Variants in TTLL10 observed in about 807,000 individuals in gnomAD.
TTLL10 encodes the protein inactive polyglycylase TTLL10.
In TTLL10, 61 loss-of-function variants were observed where a neutral mutation model predicts 69.0. That is an observed-to-expected ratio of 0.88 (90% CI 0.72 to 1.09). The LOEUF is 1.09. Among genes scored for constraint, TTLL10 ranks in the 50% least tolerant of loss-of-function variants. TTLL10 has a pLI of 0.00. For missense variants in TTLL10, 962 were observed against 945.9 expected (o/e 1.02, Z -0.22); for synonymous variants, 408 against 393.3 (o/e 1.04, Z -0.44).
chr1:1,176,834 AC>A (rs1646884267), intron 3 of TTLL10, among the ~76,000 whole-genome samples: 1 of 152,090 alleles, frequency 6.6e-6, no homozygotes, highest in Non-Finnish European at 1.5e-5. Context: ...TTAAATCCCA[AC>A]CCCGGTGTTG....
Position 1,182,933 on chromosome 1 carries a change from T to C in TTLL10, c.974T>C (p.Leu325Pro). The change falls in exon 11 of 16, where the codon CTG becomes CCG. Residue 325 changes from leucine (L) to proline (P), a missense_variant. Physicochemically the swap from Leu to Pro is moderately conservative, Grantham distance 98. Transcript: ENST00000379289. The stretch of plus-strand genomic sequence containing the variant: ...TCCAACCAGGGCAAAGGCATCTTCC[T>C]GCTCCGGAACCAGGAGGAAGTTGCC... ...TASNQGKGIF[L>P]LRNQEEVAAL... 2 of 1,599,074 alleles carry C rather than the reference T, an allele frequency of 1.3e-6. No homozygotes were observed. The highest frequency in any genetic ancestry group is 2.3e-5 in the East Asian group (1 of 44,090).
chr1:1,179,938 T>C (rs1028356238), intron 5 of TTLL10, 96 bp from the exon 6 acceptor site: 1 of 1,441,992 alleles, frequency 6.9e-7, no homozygotes, highest in African/African-American at 1.4e-5. Context: ...GTCCAGGGTA[T>C]TGGAGAAATG....
At chr1:1,190,466 C>T (rs1192305489) in intron 13 of TTLL10, among the ~76,000 whole-genome samples, 4 of 147,600 alleles carry the variant, frequency 2.7e-5, no homozygotes, top group Admixed American at 1.4e-4. Flanking sequence ...CTTGCTCTGT[C>T]GCCCAAGCTG....
rs796531749 is a variant in TTLL10, at chr1:1,187,121, T to C, written c.1401+2012T>C. On this transcript the variant is annotated intron_variant, in intron 13 of 15. Coordinates refer to ENST00000379289, the MANE Select transcript of TTLL10 (RefSeq NM_001130045.2). Reference sequence around the variant, plus strand: ...TCGGCCTCCCAAAGTGCTGGGATTATAGGTGTGAGCCACCGCGCCCGGCCA... The same window carrying C: ...TCGGCCTCCCAAAGTGCTGGGATTACAGGTGTGAGCCACCGCGCCCGGCCA... Among the ~76,000 whole-genome samples the C allele has an allele frequency of 8.0e-4, 121 of 151,970 alleles. 1 individual carries two copies. Among genetic ancestry groups the C allele is most frequent in the African/African-American group, 2.8e-3 (117 of 41,486 alleles).
chr1:1,186,818 C>T (rs1217809071), intron 13 of TTLL10, among the ~76,000 whole-genome samples: 1 of 151,564 alleles, frequency 6.6e-6, no homozygotes, highest in Non-Finnish European at 1.5e-5. Flanking sequence ...TCTTTACCAT[C>T]CAGTTGTGAA....
chr1:1,177,028 CTGTG>C (rs1022835250), intron 3 of TTLL10, among the ~76,000 whole-genome samples: 5 of 151,590 alleles, frequency 3.3e-5, no homozygotes, highest in Non-Finnish European at 5.9e-5. Flanking sequence ...GTCTGCGTGT[CTGTG>C]TGTGTCAGCG....
At chr1:1,191,879 C>T (rs995080022) in intron 13 of TTLL10, among the ~76,000 whole-genome samples, 1 of 152,268 alleles carries the variant, frequency 6.6e-6, no homozygotes, top group Non-Finnish European at 1.5e-5. Context: ...AGGAACACGC[C>T]CTTAAGACAC....
chr1:1,176,921 T>G (rs1646886516), intron 3 of TTLL10, among the ~76,000 whole-genome samples: 1 of 152,234 alleles, frequency 6.6e-6, no homozygotes, highest in South Asian at 2.1e-4. Flanking sequence ...TGAGGGGTCC[T>G]GTCTCCATCA....
At chr1:1,197,296 G>C in intron 15 of TTLL10, 110 bp downstream of exon 15, 1 of 1,309,046 alleles carries the variant, frequency 7.6e-7, no homozygotes, top group African/African-American at 1.6e-5. Context: ...TCCACCTCCC[G>C]AGGGCCTGTG....
intron 6 of TTLL10, 51 bp from the exon 7 acceptor site, chr1:1,180,432 C>A: frequency 1.3e-6 from 2 of 1,530,676 alleles, no homozygotes; most frequent in Non-Finnish European, 1.8e-6. Flanking sequence ...GCCCGCCATC[C>A]CCAACCCCTT....
At chr1:1,179,003 C>T (rs1282379425) in intron 3 of TTLL10, among the ~76,000 whole-genome samples, 186 bp from the exon 4 acceptor site, 1 of 152,236 alleles carries the variant, frequency 6.6e-6, no homozygotes, top group African/African-American at 2.4e-5. Context: ...CTCGCCCCCA[C>T]ACGGCGCCAG....
Position 1,197,507 on chromosome 1 carries a change from G to T in TTLL10, c.1682G>T (p.Arg561Leu). The change falls in exon 16 of 16, where the codon CGC becomes CTC. Residue 561 changes from arginine (R) to leucine (L), a missense_variant. Transcript: ENST00000379289. ...QKMLPLLSQR[R>L]FVLLHNGEAD... Reference sequence around the variant, plus strand: ...ATGTTGCCTCTGCTGTCCCAGCGCCGCTTCGTGCTCCTGCACAACGGTGAG... The same window carrying T: ...ATGTTGCCTCTGCTGTCCCAGCGCCTCTTCGTGCTCCTGCACAACGGTGAG... The T allele has an allele frequency of 1.3e-6, 2 of 1,542,006 alleles. No individual in the cohort carries two copies. The highest frequency in any genetic ancestry group is 1.2e-5 in the South Asian group (1 of 83,654).
rs988238959 is a variant in TTLL10 at position 1,182,573 on chromosome 1, T to C, written c.916+127T>C. 295 of 1,037,334 alleles carry C rather than the reference T, an allele frequency of 2.8e-4. 1 individual carries two copies. The highest frequency in any genetic ancestry group is 4.0e-4 in the Non-Finnish European group (271 of 683,374). 64.3% of individuals were successfully genotyped at this position (1,037,334 alleles called of 1,614,324 possible). On this transcript the variant is annotated intron_variant, in intron 10 of 15. Coordinates refer to ENST00000379289, the MANE Select transcript of TTLL10 (RefSeq NM_001130045.2). ...TGCGTGGGGCTGGGACGAGACGAGGTGGTCAGGAAGGGGCCAGGGCTGGGC... is the reference window on the plus strand; with the variant it reads ...TGCGTGGGGCTGGGACGAGACGAGGCGGTCAGGAAGGGGCCAGGGCTGGGC...
At chr1:1,187,513 C>T (rs1647431013) in intron 13 of TTLL10, among the ~76,000 whole-genome samples, 1 of 151,808 alleles carries the variant, frequency 6.6e-6, no homozygotes, top group African/African-American at 2.4e-5. Flanking sequence ...GCTTGTAGTC[C>T]CAGCTACTTG....
Position 1,179,169 on chromosome 1 carries a change from G to C in TTLL10, c.-27-20G>C. The C allele has an allele frequency of 6.8e-7, 1 of 1,468,864 alleles. No individual in the cohort carries two copies. The highest frequency in any genetic ancestry group is 1.4e-5 in the African/African-American group (1 of 71,158). 91.0% of individuals were successfully genotyped at this position (1,468,864 alleles called of 1,614,324 possible). On this transcript the variant is annotated intron_variant, in intron 3 of 15. Coordinates refer to ENST00000379289, the MANE Select transcript of TTLL10 (RefSeq NM_001130045.2). ...GCGCGGAGGTCCCACAGGAGGGTCAGAGCGGCATCTTCCCTTCAGGGCCCT... is the reference window on the plus strand; with the variant it reads ...GCGCGGAGGTCCCACAGGAGGGTCACAGCGGCATCTTCCCTTCAGGGCCCT...
intron 3 of TTLL10, among the ~76,000 whole-genome samples, chr1:1,177,048 G>A (rs1002529185): frequency 6.8e-6 from 1 of 146,708 alleles, no homozygotes; most frequent in Non-Finnish European, 1.5e-5. Context: ...CAGCGTCTGT[G>A]TGTGTGGGTG....
intron 13 of TTLL10, among the ~76,000 whole-genome samples, chr1:1,189,679 G>T (rs1282337785): frequency 6.6e-6 from 1 of 152,104 alleles, no homozygotes; most frequent in Non-Finnish European, 1.5e-5. Context: ...TTCTTTGTTT[G>T]AAATAATTCA....
intron 3 of TTLL10, 101 bp from the exon 4 acceptor site, chr1:1,179,088 T>C: frequency 1.3e-6 from 1 of 788,610 alleles, no homozygotes; most frequent in Non-Finnish European, 2.0e-6. Context: ...AGGCGCCCTT[T>C]CCTGGGCAGG....
chr1:1,182,569 G>A (rs1256586903), intron 10 of TTLL10, 123 bp downstream of exon 10: 38 of 1,066,562 alleles, frequency 3.6e-5, no homozygotes, highest in South Asian at 2.6e-4. Flanking sequence ...GGGACGAGAC[G>A]AGGTGGTCAG....
Sources: gnomAD v4.1 joint callset for allele counts (sites outside exome capture counted in the v4.1 genomes callset) on GRCh38, gnomAD v4.1.1 for gene constraint, MANE v1.5 for transcripts, NCBI Gene and HGNC (gene_info 2026-07-23, HGNC 2026-07-21) for gene names.